Variants in CASK observed in about 807,000 individuals in gnomAD.
The protein encoded by CASK is calcium/calmodulin dependent serine protein kinase.
In CASK, 4 loss-of-function variants were observed where a neutral mutation model predicts 82.9. That is an observed-to-expected ratio of 0.05 (90% confidence interval 0.02 to 0.11). The LOEUF is 0.11. Among genes scored for constraint, CASK ranks in the 10% least tolerant of loss-of-function variants. The pLI is 1.00. For synonymous variants in CASK, 259 were observed against 253.5 expected (o/e 1.02, Z -0.20); for missense variants, 358 against 720.9 (o/e 0.50, Z 5.76).
chrX:41,795,025 G>A (rs1338253126), intron 2 of CASK, among the ~76,000 whole-genome samples: 3 of 111,660 alleles, frequency 2.7e-5, no homozygotes, highest in Non-Finnish European at 1.9e-5. Context: ...AGCAATTTGT[G>A]GTCTGTTTCA....
At chrX:41,744,858 T>C (rs779284998) in intron 4 of CASK, among the ~76,000 whole-genome samples, 34 of 111,676 alleles carry the variant, frequency 3.0e-4, no homozygotes, top group Admixed American at 1.7e-3. Context: ...GAAGAACTAA[T>C]GAGGCAGATT....
chrX:41,785,270 G>A (rs1602621098), intron 3 of CASK, among the ~76,000 whole-genome samples: 1 of 111,840 alleles, frequency 8.9e-6, no homozygotes, highest in African/African-American at 3.2e-5. Flanking sequence ...GCCTCCCAAG[G>A]TGCTGGGATT....
chrX:41,612,690 CCGGGAGGGAGGTG>C (rs2066103294), intron 11 of CASK, among the ~76,000 whole-genome samples: 1 of 92,813 alleles, frequency 1.1e-5, no homozygotes, highest in African/African-American at 4.0e-5. Context: ...GCCGCCCCGT[CCGGGAGGGAGGTG>C]GGGGGGTCAG....
At chrX:41,828,934 T>C (rs1178365372) in intron 2 of CASK, among the ~76,000 whole-genome samples, 1 of 112,338 alleles carries the variant, frequency 8.9e-6, no homozygotes, top group Non-Finnish European at 1.9e-5. Flanking sequence ...TAAAGATATC[T>C]ATGTTTTCTT....
intron 1 of CASK, among the ~76,000 whole-genome samples, chrX:41,854,009 C>T (rs1310896889): frequency 2.7e-5 from 3 of 111,864 alleles, no homozygotes; most frequent in Non-Finnish European, 5.6e-5. Context: ...CTCCAACCCT[C>T]TCCAGTTTCA....
chrX:41,520,921 C>A, intron 26 of CASK, among the ~76,000 whole-genome samples: 1 of 112,029 alleles, frequency 8.9e-6, no homozygotes, highest in Non-Finnish European at 1.9e-5. Context: ...TAGGGCCATG[C>A]CAGGTGTGGG....
intron 1 of CASK, among the ~76,000 whole-genome samples, chrX:41,911,026 C>A (rs781180771): frequency 9.0e-6 from 1 of 111,688 alleles, no homozygotes; most frequent in Non-Finnish European, 1.9e-5. Context: ...AGTAACAGTT[C>A]TCTTAAATTT....
intron 1 of CASK, among the ~76,000 whole-genome samples, chrX:41,880,620 C>T (rs2071933191): frequency 8.9e-6 from 1 of 111,863 alleles, no homozygotes; most frequent in African/African-American, 3.2e-5. Context: ...TTCAGGCAGA[C>T]CCAATCTTAT....
At position 41,534,990 on chromosome X, in the gene CASK, T is replaced by A. The variant is rs779977067; in HGVS notation, c.2156-17A>T. 1.9e-6 allele frequency: 2 copies of A among 1,050,989 alleles called. No homozygotes were observed. The highest frequency in any genetic ancestry group is 2.6e-6 in the Non-Finnish European group (2 of 755,770). 86.6% of individuals were successfully genotyped at this position (1,050,989 alleles called of 1,213,427 possible). A position where few individuals can be genotyped will look rare whatever the true frequency, so the allele number is the denominator to read the frequency against. ...GATCAAACACTAAAACGCAAAGATT[T>A]AGAAGAAAGGTAAATTTGTAGAATG... On this transcript the variant is annotated splice_polypyrimidine_tract_variant and intron_variant, in intron 22 of 26. Coordinates refer to ENST00000378163, the MANE Select transcript of CASK (RefSeq NM_001367721.1).
intron 1 of CASK, among the ~76,000 whole-genome samples, chrX:41,912,170 A>G (rs1205548579): frequency 1.8e-5 from 2 of 109,885 alleles, no homozygotes; most frequent in Non-Finnish European, 1.9e-5. Flanking sequence ...GTTCTTACTC[A>G]TAAGTGGGAG....
At position 41,671,698 on chromosome X, in the gene CASK, C is replaced by T. The variant is rs192531784; in HGVS notation, c.430-168G>A. Among the ~76,000 whole-genome samples, 279 of 112,108 alleles carry T rather than the reference C, an allele frequency of 2.5e-3. 2 individuals are homozygous for T. The highest frequency in any genetic ancestry group is 0.014 in the Middle Eastern group (3 of 217). Reference sequence around the variant, plus strand: ...GCTTGAATTATTTGTCATATTCTCACGTCTGGCTGATTTCTCCAAATACAT... The same window carrying T: ...GCTTGAATTATTTGTCATATTCTCATGTCTGGCTGATTTCTCCAAATACAT... On this transcript the variant is annotated intron_variant, in intron 5 of 26. Transcript: ENST00000378163.
intron 1 of CASK, among the ~76,000 whole-genome samples, chrX:41,888,156 T>C (rs975150204): frequency 2.7e-5 from 3 of 111,511 alleles, no homozygotes; most frequent in African/African-American, 9.8e-5. Context: ...ACTGGCTGCA[T>C]GTGCTCTGCC....
intron 9 of CASK, among the ~76,000 whole-genome samples, chrX:41,632,151 A>G (rs1338670811): frequency 9.0e-6 from 1 of 111,277 alleles, no homozygotes; most frequent in African/African-American, 3.3e-5. Context: ...CTCAAAGGTT[A>G]CCTTTTGGAT....
chrX:41,685,607 G>C (rs1238834142), intron 5 of CASK, among the ~76,000 whole-genome samples: 1 of 111,327 alleles, frequency 9.0e-6, no homozygotes, highest in Non-Finnish European at 1.9e-5. Context: ...TCAGCTTCCT[G>C]AGTAGCTGGG....
chrX:41,660,624 T>C, intron 7 of CASK, 63 bp from the exon 8 acceptor site: 1 of 1,078,359 alleles, frequency 9.3e-7, no homozygotes, highest in Non-Finnish European at 1.3e-6. Flanking sequence ...TTCACTATTA[T>C]TTAATATTCC....
At chrX:41,805,048 G>A (rs2070088462) in intron 2 of CASK, among the ~76,000 whole-genome samples, 1 of 111,590 alleles carries the variant, frequency 9.0e-6, no homozygotes, top group South Asian at 3.7e-4. Context: ...CACTGTTAAT[G>A]GAGTACTAAA....
chrX:41,557,174 C>A lies in CASK; in HGVS notation c.1738-74G>T, dbSNP rs1602257836. The stretch of plus-strand genomic sequence containing the variant: ...ACAGAGATATTTACATCAACAGTAA[C>A]AACCACAGTCTGACAACCATTTCCT... On this transcript the variant is annotated intron_variant, in intron 18 of 26. Transcript: ENST00000378163. The A allele has an allele frequency of 3.8e-6, 3 of 799,843 alleles. No individual in the cohort carries two copies. In the East Asian group the frequency reaches 9.6e-5, roughly 26 times the overall value. 65.9% of individuals were successfully genotyped at this position (799,843 alleles called of 1,213,427 possible).
chrX:41,640,295 C>T (rs2066627158), intron 8 of CASK, among the ~76,000 whole-genome samples: 1 of 110,464 alleles, frequency 9.1e-6, no homozygotes, highest in Non-Finnish European at 1.9e-5. Flanking sequence ...CTTCTGCCTC[C>T]TGGGTTCAAG....
intron 12 of CASK, among the ~76,000 whole-genome samples, chrX:41,605,363 G>A (rs866952321): frequency 7.3e-5 from 8 of 109,948 alleles, no homozygotes; most frequent in South Asian, 4.0e-4. Context: ...TTGGGAGGCC[G>A]AGGCAGGAGA....
Sources: gnomAD v4.1 joint callset for allele counts (sites outside exome capture counted in the v4.1 genomes callset) on GRCh38, gnomAD v4.1.1 for gene constraint, MANE v1.5 for transcripts, NCBI Gene and HGNC (gene_info 2026-07-23, HGNC 2026-07-21) for gene names.